The following TMEM232 variants were observed in gnomAD, a reference collection of about 807,000 sequenced individuals.
TMEM232 encodes the protein transmembrane protein 232.
TMEM232 carries 80 observed loss-of-function variants against 78.8 expected under a neutral mutation model. That is an observed-to-expected ratio of 1.01 (90% CI 0.85 to 1.22). The LOEUF (loss-of-function observed/expected upper bound fraction) is 1.22, where lower values mean the gene tolerates loss of function less well. Among genes scored for constraint, TMEM232 ranks in the 50% most tolerant of loss-of-function variants. The pLI, the probability that TMEM232 is intolerant of heterozygous loss-of-function variation, is 0.00. For synonymous variants in TMEM232, 297 were observed against 254.3 expected, an observed-to-expected ratio of 1.17 and a Z score of -1.60; for missense variants, 881 against 742.2, an observed-to-expected ratio of 1.19 and a Z score of -2.17.
chr5:110,583,364 T>C (rs1308686003), intron 10 of TMEM232, among the ~76,000 whole-genome samples: 1 of 151,894 alleles, frequency 6.6e-6, no homozygotes, highest in Admixed American at 6.6e-5. Flanking sequence ...ACTGATATTC[T>C]ACATGAGTAC....
Position 110,424,829 on chromosome 5 carries a change from G to T in TMEM232, c.1791C>A (p.Asp597Glu), listed in dbSNP as rs760231064. The T allele has an allele frequency of 8.9e-5, 138 of 1,547,832 alleles. No homozygotes were observed. The highest frequency in any genetic ancestry group is 1.1e-4 in the Non-Finnish European group (125 of 1,144,910). ...AAAAAAAAATCAATCTTACGTGATG[G>T]TCAATGATTTTTGCCAACTCTTTAT... ...KADKELAKII[D>E]HHWQEELKIR... Residue 597 changes from aspartate (D) to glutamate (E), a missense_variant, in exon 13 of 14, where the codon GAC becomes GAA. Asp to Glu is a conservative substitution (Grantham distance 45). Coordinates refer to ENST00000455884, the MANE Select transcript of TMEM232 (RefSeq NM_001039763.4).
intron 12 of TMEM232, among the ~76,000 whole-genome samples, chr5:110,522,743 C>T (rs1343957214): frequency 1.3e-5 from 2 of 152,070 alleles, no homozygotes; most frequent in Admixed American, 1.3e-4. Flanking sequence ...GAACCGTCCT[C>T]CTTGCATCGC....
At chr5:110,629,141 A>T (rs1355294052) in intron 5 of TMEM232, among the ~76,000 whole-genome samples, 1 of 152,100 alleles carries the variant, frequency 6.6e-6, no homozygotes, top group Admixed American at 6.5e-5. Flanking sequence ...TAGATGACAG[A>T]ATTAAAGGAA....
Position 110,638,271 on chromosome 5 carries a change from G to C in TMEM232, c.428C>G (p.Ser143Trp). 3 of 1,550,898 alleles carry C rather than the reference G, an allele frequency of 1.9e-6. No homozygotes were observed. Among genetic ancestry groups the C allele is most frequent in the Non-Finnish European group, 2.6e-6 (3 of 1,146,542 alleles). ...ATCACAACACAGTCTGTATAAAACC[G>C]ATTCCGCAACAAAAAATAAGGCAGG... ...HLPALFFVAE[S>W]VLYRLCCDAS... The change falls in exon 5 of 14, where the codon TCG becomes TGG. Residue 143 changes from serine to tryptophan, a missense_variant. Physicochemically the swap from Ser to Trp is radical, Grantham distance 177 (BLOSUM62 -3). Coordinates refer to ENST00000455884, the MANE Select transcript of TMEM232 (RefSeq NM_001039763.4).
chr5:110,602,479 A>G (rs979937935), intron 10 of TMEM232, among the ~76,000 whole-genome samples: 1 of 152,200 alleles, frequency 6.6e-6, no homozygotes, highest in African/African-American at 2.4e-5. Flanking sequence ...AAGTGGGCAA[A>G]GGATATGAAC....
intron 12 of TMEM232, among the ~76,000 whole-genome samples, chr5:110,440,570 C>G (rs1705668486): frequency 6.6e-6 from 1 of 152,038 alleles, no homozygotes; most frequent in African/African-American, 2.4e-5. Flanking sequence ...GACATATATT[C>G]AAGTATCATT....
chr5:110,469,509 C>G (rs1470428542), intron 12 of TMEM232, among the ~76,000 whole-genome samples: 2 of 152,124 alleles, frequency 1.3e-5, no homozygotes, highest in African/African-American at 2.4e-5. Context: ...GCCACCCTAT[C>G]TACCCCTCTC....
intron 1 of TMEM232, chr5:110,725,511 G>A (rs1238293123): frequency 3.3e-5 from 5 of 152,132 alleles, no homozygotes; most frequent in Non-Finnish European, 5.9e-5. Context: ...TGAATCAGAC[G>A]TTCAGCAAGA....
chr5:110,494,042 T>C (rs1009979259), intron 12 of TMEM232, among the ~76,000 whole-genome samples: 2 of 152,080 alleles, frequency 1.3e-5, no homozygotes, highest in African/African-American at 4.8e-5. Context: ...TTGTGTTAGT[T>C]TGCTGAGAAT....
chr5:110,401,364 C>T (rs990292889), intron 2 of TMEM232, among the ~76,000 whole-genome samples: 7 of 151,118 alleles, frequency 4.6e-5, no homozygotes, highest in Admixed American at 4.0e-4. Context: ...TTCTTTAGTC[C>T]GTTTCTACAT....
intron 1 of TMEM232, among the ~76,000 whole-genome samples, chr5:110,679,405 C>CCGTGTAT (rs544360415): frequency 1.3e-3 from 196 of 152,210 alleles, no homozygotes; most frequent in Non-Finnish European, 2.2e-3. Context: ...TCTAAGAGCT[C>CCGTGTAT]CGTGTATATT....
intron 12 of TMEM232, among the ~76,000 whole-genome samples, chr5:110,435,794 C>G (rs1758366004): frequency 6.6e-6 from 1 of 151,914 alleles, no homozygotes; most frequent in African/African-American, 2.4e-5. Context: ...GGATCTCATT[C>G]TTTCTTATGG....
At chr5:110,399,177 T>C (rs1445214444) in intron 2 of TMEM232, among the ~76,000 whole-genome samples, 2 of 152,088 alleles carry the variant, frequency 1.3e-5, no homozygotes, top group Admixed American at 6.6e-5. Context: ...AGGACAACTA[T>C]AAGAAGTAAA....
chr5:110,618,464 G>A lies in TMEM232; in HGVS notation c.867C>T (p.Leu289=), dbSNP rs1179022395. The A allele has an allele frequency of 1.0e-5, 16 of 1,551,452 alleles. No individual in the cohort carries two copies. The highest frequency in any genetic ancestry group is 2.4e-5 in the East Asian group (1 of 40,858). The stretch of plus-strand genomic sequence containing the variant: ...TTTGAAGCTGTGTCTTATGGAAGAC[G>A]AGATGTTCAAGCACGTTATTCAACT... The part of the protein sequence containing the change: ...SPQLNNVLEH[L]VFHKTQLQKK... Residue 289 remains leucine, a synonymous_variant, in exon 8 of 14, where the codon CTC becomes CTT. Coordinates refer to ENST00000455884, the MANE Select transcript of TMEM232 (RefSeq NM_001039763.4).
intron 7 of TMEM232, among the ~76,000 whole-genome samples, chr5:110,623,439 CAAATCCTCTGCTAT>C (rs1784032840): frequency 6.6e-6 from 1 of 152,132 alleles, no homozygotes; most frequent in African/African-American, 2.4e-5. Flanking sequence ...AATAAATTCA[CAAATCCTCTGCTAT>C]AATATACTAA....
At position 110,713,186 on chromosome 5, in the gene TMEM232, G is replaced by C. The variant is rs374035426; in HGVS notation, c.-13+13441C>G. On this transcript the variant is annotated intron_variant, in intron 1 of 13. Transcript: ENST00000455884. ...ATCACAGGTTTTCACTTATTTGTGGGATCTAAGATTCAAAACAGTTGAACT... is the reference window on the plus strand; with the variant it reads ...ATCACAGGTTTTCACTTATTTGTGGCATCTAAGATTCAAAACAGTTGAACT... Among the ~76,000 whole-genome samples the C allele has an allele frequency of 3.3e-5, 5 of 152,142 alleles. No homozygotes were observed. In the South Asian group the frequency reaches 1.0e-3, roughly 32 times the overall value.
chr5:110,721,524 T>A (rs1797604139), intron 1 of TMEM232, among the ~76,000 whole-genome samples: 1 of 151,084 alleles, frequency 6.6e-6, no homozygotes, highest in South Asian at 2.1e-4. Flanking sequence ...AGAACTGTTG[T>A]TCTCAAGATA....
chr5:110,455,476 C>T (rs986032847), intron 12 of TMEM232, among the ~76,000 whole-genome samples: 19 of 151,760 alleles, frequency 1.3e-4, no homozygotes, highest in African/African-American at 4.1e-4. Context: ...CTCTTGCGTT[C>T]AAGCCATTCT....
upstream of TMEM232, among the ~76,000 whole-genome samples, chr5:110,727,166 T>A (rs958602549): frequency 6.6e-6 from 1 of 152,138 alleles, no homozygotes; most frequent in Non-Finnish European, 1.5e-5. Flanking sequence ...CGCCTCTTTT[T>A]AAAGGTAGTA....
Sources: allele counts gnomAD v4.1 joint callset (sites outside exome capture counted in the v4.1 genomes callset), GRCh38; gene constraint gnomAD v4.1.1; transcripts MANE v1.5; gene names NCBI Gene and HGNC (gene_info 2026-07-23, HGNC 2026-07-21).